RBPMS: variants seen among roughly 807,000 people sequenced by gnomAD.
RBPMS encodes the protein RNA-binding protein with multiple splicing.
Under a neutral mutation model 26.8 loss-of-function variants are expected in RBPMS, and 7 were observed. The ratio of observed to expected loss-of-function variants is 0.26; its 90% CI spans 0.15 to 0.49. The LOEUF is 0.49. RBPMS is among the 20% of genes least tolerant of loss of function. The pLI, the probability that RBPMS is intolerant of heterozygous loss-of-function variation, is 0.98. For synonymous variants in RBPMS, 96 were observed against 93.3 expected, an observed-to-expected ratio of 1.03 and a Z score of -0.17; for missense variants, 186 against 250.0, an observed-to-expected ratio of 0.74 and a Z score of 1.73.
intron 5 of RBPMS, among the ~76,000 whole-genome samples, chr8:30,511,476 A>AT (rs1821602788): frequency 3.0e-3 from 15 of 5,084 alleles, no homozygotes; most frequent in African/African-American, 7.4e-3. Flanking sequence ...AAAAAGAAAA[A>AT]AAAAAAAAAA....
chr8:30,563,768 G>C (rs1351890914), intron 7 of RBPMS, among the ~76,000 whole-genome samples: 1 of 152,176 alleles, frequency 6.6e-6, no homozygotes, highest in Non-Finnish European at 1.5e-5. Flanking sequence ...GCTTAACAAG[G>C]AGGAAAGGCA....
At chr8:30,550,041 G>A (rs1221554767) in intron 6 of RBPMS, among the ~76,000 whole-genome samples, 1 of 151,848 alleles carries the variant, frequency 6.6e-6, no homozygotes, top group Non-Finnish European at 1.5e-5. Flanking sequence ...TAGTAGAGAC[G>A]GGGTTTCACT....
intron 1 of RBPMS, among the ~76,000 whole-genome samples, chr8:30,423,380 T>G (rs1811010705): frequency 6.6e-6 from 1 of 152,178 alleles, no homozygotes; most frequent in Non-Finnish European, 1.5e-5. Context: ...CTCTTTCCTC[T>G]TTGTGTATGC....
rs545224027 is a variant in RBPMS at position 30,478,370 on chromosome 8, C to T, written c.183+533C>T. Reference sequence around the variant, plus strand: ...CTAAACACTTGGCATACACACCTCTCGAATCACTATTCATCTCTCTGGCTC... The same window carrying T: ...CTAAACACTTGGCATACACACCTCTTGAATCACTATTCATCTCTCTGGCTC... On this transcript the variant is annotated intron_variant, in intron 3 of 8. Coordinates refer to ENST00000397323, the MANE Select transcript of RBPMS (RefSeq NM_001008710.3). Among the ~76,000 whole-genome samples, 39 of 152,100 alleles carry T rather than the reference C, an allele frequency of 2.6e-4. No individual in the cohort carries two copies. In the South Asian group the frequency reaches 7.5e-3, roughly 29 times the overall value.
chr8:30,449,314 T>G (rs1218729527), intron 1 of RBPMS, among the ~76,000 whole-genome samples: 1 of 151,936 alleles, frequency 6.6e-6, no homozygotes, highest in African/African-American at 2.4e-5. Flanking sequence ...ACTTGAATAA[T>G]GTCCTGTTTC....
At chr8:30,551,653 C>A (rs984859270) in intron 6 of RBPMS, among the ~76,000 whole-genome samples, 1 of 152,188 alleles carries the variant, frequency 6.6e-6, no homozygotes, top group South Asian at 2.1e-4. Flanking sequence ...ACAAGTCGCA[C>A]CTGGAAGTGC....
chr8:30,511,479 AAAAAAAAATATATATAT>A lies in RBPMS; in HGVS notation c.397+7045_397+7061del, dbSNP rs1438325225. On this transcript the variant is annotated intron_variant, in intron 5 of 8. Transcript: ENST00000397323. ...TCTTTAAAACAAAAAAAGAAAAAAA[AAAAAAAAATATATATAT>A]ATATATATATATATATATATATATA... is the stretch of plus-strand genomic sequence containing the variant. Among the ~76,000 whole-genome samples, 242 of 87,086 alleles carry A rather than the reference AAAAAAAAATATATATAT, an allele frequency of 2.8e-3. 5 individuals are homozygous for A. Among genetic ancestry groups the A allele is most frequent in the Non-Finnish European group, 3.9e-3 (178 of 45,326 alleles). The allele number at this position is 87,086 out of a possible 152,430, so 57.1% of individuals were successfully genotyped here. A position where few individuals can be genotyped will look rare whatever the true frequency, so the allele number is the denominator to read the frequency against.
At chr8:30,566,182 C>A in intron 7 of RBPMS, 75 bp from the exon 8 acceptor site, 4 of 821,178 alleles carry the variant, frequency 4.9e-6, no homozygotes, top group Non-Finnish European at 5.9e-6. Flanking sequence ...TCAGAACAGG[C>A]CGGTCTTCAA....
rs1490772811 is a variant in RBPMS, at chr8:30,418,321, G to T, written c.66+33163G>T. On this transcript the variant is annotated intron_variant, in intron 1 of 8. Transcript: ENST00000397323. ...AGCTTCAAACTCCTGGGCTCAAGGGGTCCTCCCGCCTCAGTCTCCCCAGTA... is the reference window on the plus strand; with the variant it reads ...AGCTTCAAACTCCTGGGCTCAAGGGTTCCTCCCGCCTCAGTCTCCCCAGTA... Among the ~76,000 whole-genome samples, 3 of 152,182 alleles carry T rather than the reference G, an allele frequency of 2.0e-5. No individual in the cohort carries two copies. In the East Asian group the frequency reaches 5.8e-4, roughly 29 times the overall value.
chr8:30,449,927 C>G (rs3735766), intron 1 of RBPMS, among the ~76,000 whole-genome samples: 51,168 of 152,152 alleles, frequency 0.34, 9,270 homozygotes, highest in African/African-American at 0.46. Flanking sequence ...AGAAAATCTT[C>G]AAAAATTACA....
chr8:30,534,181 C>T lies in RBPMS; in HGVS notation c.398-10313C>T, dbSNP rs537246335. On this transcript the variant is annotated intron_variant, in intron 5 of 8. Transcript: ENST00000397323. ...CTGACTTCTGAAAAACACAGAAACTCAGTTTGGAGGCAGTGATGCCTTGTC... is the reference window on the plus strand; with the variant it reads ...CTGACTTCTGAAAAACACAGAAACTTAGTTTGGAGGCAGTGATGCCTTGTC... Among the ~76,000 whole-genome samples the T allele has an allele frequency of 4.6e-5, 7 of 152,054 alleles. No homozygotes were observed. The East Asian group carries it at 1.4e-3, about 29-fold the overall frequency.
chr8:30,544,717 T>G (rs1413282173), intron 6 of RBPMS, 93 bp downstream of exon 6: 1 of 1,603,084 alleles, frequency 6.2e-7, no homozygotes. Flanking sequence ...CTAACACCTA[T>G]CCAGCTAACA....
intron 6 of RBPMS, 23 bp from the exon 7 acceptor site, chr8:30,558,864 G>A (rs779302151): frequency 3.1e-5 from 50 of 1,610,140 alleles, no homozygotes; most frequent in Middle Eastern, 1.6e-4. Context: ...CCTGGCTCAC[G>A]GCCTTCTCCC....
intron 4 of RBPMS, among the ~76,000 whole-genome samples, chr8:30,497,539 C>T (rs945532453): frequency 1.3e-5 from 2 of 152,122 alleles, no homozygotes; most frequent in Non-Finnish European, 2.9e-5. Flanking sequence ...GAGTGAGACT[C>T]TGTCTCAAAA....
intron 1 of RBPMS, among the ~76,000 whole-genome samples, chr8:30,471,879 A>G: frequency 6.6e-6 from 1 of 152,208 alleles, no homozygotes; most frequent in Non-Finnish European, 1.5e-5. Flanking sequence ...GATACAGAAC[A>G]CTTGAACAAC....
At chr8:30,441,699 AAAAT>A (rs1304524289) in intron 1 of RBPMS, among the ~76,000 whole-genome samples, 1 of 152,224 alleles carries the variant, frequency 6.6e-6, no homozygotes, top group African/African-American at 2.4e-5. Flanking sequence ...TTCGATCTGA[AAAAT>A]AAACCCTCCA....
At chr8:30,494,135 A>C (rs552736190) in intron 4 of RBPMS, among the ~76,000 whole-genome samples, 53 of 152,326 alleles carry the variant, frequency 3.5e-4, no homozygotes, top group African/African-American at 1.3e-3. Context: ...ACCAACAGAC[A>C]TGGGGCAGGA....
chr8:30,438,444 C>T (rs965612088), intron 1 of RBPMS, among the ~76,000 whole-genome samples: 5 of 152,174 alleles, frequency 3.3e-5, no homozygotes, highest in African/African-American at 7.2e-5. Context: ...ATGCCATTTA[C>T]GTGAAACTTG....
chr8:30,566,235 G>A lies in RBPMS; in HGVS notation c.*8-22G>A, dbSNP rs771544100. ...GTGGAGGTTACTGTGCACCGTTAAC[G>A]GGTGATCTTTCTCCATCCCAGGTCC... On this transcript the variant is annotated intron_variant, in intron 7 of 8. Coordinates refer to ENST00000397323, the MANE Select transcript of RBPMS (RefSeq NM_001008710.3). 11 of 984,954 alleles carry A rather than the reference G, an allele frequency of 1.1e-5. 1 individual carries two copies. The highest frequency in any genetic ancestry group is 2.3e-4 in the East Asian group (2 of 8,818). 61.0% of individuals were successfully genotyped at this position (984,954 alleles called of 1,614,324 possible). A position where few individuals can be genotyped will look rare whatever the true frequency, so the allele number is the denominator to read the frequency against.
Sources: allele counts gnomAD v4.1 joint callset (sites outside exome capture counted in the v4.1 genomes callset), GRCh38; gene constraint gnomAD v4.1.1; transcripts MANE v1.5; gene names NCBI Gene and HGNC (gene_info 2026-07-23, HGNC 2026-07-21).